The following DPP6 variants were observed in gnomAD, a reference collection of about 807,000 sequenced individuals.
DPP6 encodes the protein dipeptidyl peptidase like 6.
A neutral mutation model predicts 122.6 loss-of-function variants in DPP6; 69 were observed. The ratio of observed to expected loss-of-function variants is 0.56; its 90% CI spans 0.46 to 0.69. The LOEUF (loss-of-function observed/expected upper bound fraction) is 0.69, where lower values mean the gene tolerates loss of function less well. DPP6 is among the 30% of genes least tolerant of loss of function. The probability of loss-of-function intolerance (pLI) is 0.00; values close to 1 mark genes in which losing one functional copy is unlikely to be tolerated. For missense variants in DPP6, 928 were observed against 1,116.9 expected (o/e 0.83, Z 2.41); for synonymous variants, 418 against 433.1 (o/e 0.97, Z 0.43).
chr7:154,577,300 G>A (rs1831748064), intron 5 of DPP6, among the ~76,000 whole-genome samples: 2 of 152,128 alleles, frequency 1.3e-5, no homozygotes, highest in African/African-American at 4.8e-5. Context: ...GAGCCTGCAT[G>A]GAAGAGAGGA....
intron 1 of DPP6, among the ~76,000 whole-genome samples, chr7:154,060,998 G>C (rs867626361): frequency 2.0e-5 from 3 of 149,108 alleles, no homozygotes; most frequent in African/African-American, 7.3e-5. Flanking sequence ...TGGGTATTAG[G>C]TGTCCAAGTA....
At chr7:154,454,663 C>T (rs959414308) in intron 2 of DPP6, among the ~76,000 whole-genome samples, 6 of 152,030 alleles carry the variant, frequency 3.9e-5, no homozygotes, top group African/African-American at 1.2e-4. Flanking sequence ...GAGCCTGGAG[C>T]GCACAGGGCC....
intron 16 of DPP6, among the ~76,000 whole-genome samples, chr7:154,841,788 G>A (rs1157614052): frequency 1.3e-5 from 2 of 151,902 alleles, no homozygotes; most frequent in African/African-American, 2.4e-5. Context: ...TCCTCGGACT[G>A]CTGTATGGGA....
the DPP6 span, among the ~76,000 whole-genome samples, chr7:153,778,584 A>G: frequency 2.0e-5 from 3 of 149,416 alleles, no homozygotes; most frequent in Non-Finnish European, 4.4e-5. Context: ...CATGTCTACA[A>G]TTCCGTCAGC....
chr7:154,190,242 A>G (rs1185046807), intron 1 of DPP6, among the ~76,000 whole-genome samples: 7 of 152,212 alleles, frequency 4.6e-5, no homozygotes, highest in Non-Finnish European at 1.0e-4. Context: ...TGGCGCTGCC[A>G]GGAAACCCTG....
intron 1 of DPP6, among the ~76,000 whole-genome samples, chr7:154,185,989 C>T (rs1245507339): frequency 6.6e-6 from 1 of 152,050 alleles, no homozygotes; most frequent in Non-Finnish European, 1.5e-5. Context: ...GCAGAAGAAC[C>T]ATATGACGCA....
the DPP6 span, among the ~76,000 whole-genome samples, chr7:153,801,993 G>A: frequency 6.6e-6 from 1 of 152,158 alleles, no homozygotes; most frequent in Admixed American, 6.6e-5. Context: ...AAAATTCACA[G>A]AAGCAAACTT....
At chr7:154,310,371 G>A (rs144575176) in intron 1 of DPP6, among the ~76,000 whole-genome samples, 48 of 152,320 alleles carry the variant, frequency 3.2e-4, no homozygotes, top group African/African-American at 1.2e-3. Context: ...TTTGGGATCC[G>A]TGTCACCAAC....
chr7:154,571,840 A>G (rs1399031553), intron 5 of DPP6, among the ~76,000 whole-genome samples: 1 of 152,218 alleles, frequency 6.6e-6, no homozygotes, highest in Non-Finnish European at 1.5e-5. Context: ...ATAGCAAATT[A>G]TCCCCAAACA....
intron 1 of DPP6, among the ~76,000 whole-genome samples, chr7:154,239,702 A>G (rs868113320): frequency 2.0e-5 from 3 of 151,916 alleles, no homozygotes; most frequent in South Asian, 2.1e-4. Flanking sequence ...GCTGGGCTCA[A>G]TGGCTCATGC....
intron 1 of DPP6, among the ~76,000 whole-genome samples, chr7:154,368,383 C>T (rs1812359597): frequency 6.6e-6 from 1 of 152,152 alleles, no homozygotes; most frequent in African/African-American, 2.4e-5. Flanking sequence ...CTCAGGCATC[C>T]TATCCCAAGC....
chr7:153,781,977 TACACACACACACAC>T, the DPP6 span, among the ~76,000 whole-genome samples: 664 of 89,814 alleles, frequency 7.4e-3, 45 homozygotes, highest in Middle Eastern at 0.022. Flanking sequence ...CCCCAGAGAA[TACACACACACACAC>T]ACACACACAC....
chr7:154,844,445 A>C (rs1181995068), intron 16 of DPP6, among the ~76,000 whole-genome samples: 1 of 152,268 alleles, frequency 6.6e-6, no homozygotes, highest in Non-Finnish European at 1.5e-5. Context: ...AGTCTGGCCA[A>C]AGTAGCACAA....
intron 8 of DPP6, among the ~76,000 whole-genome samples, chr7:154,736,661 T>C (rs1395169329): frequency 6.6e-6 from 1 of 152,214 alleles, no homozygotes; most frequent in Non-Finnish European, 1.5e-5. Flanking sequence ...TCAAGATCAT[T>C]TGTAATGACA....
intron 3 of DPP6, 78 bp downstream of exon 3, chr7:154,475,115 T>C: frequency 8.9e-7 from 1 of 1,128,070 alleles, no homozygotes; most frequent in Non-Finnish European, 1.4e-6. Context: ...GGTCTAGTAA[T>C]TTGCCTCTCG....
At chr7:154,174,183 G>A (rs547556942) in intron 1 of DPP6, among the ~76,000 whole-genome samples, 13 of 152,324 alleles carry the variant, frequency 8.5e-5, no homozygotes, top group African/African-American at 2.4e-4. Context: ...GCTCCACCAC[G>A]CACTAGCTGC....
intron 1 of DPP6, among the ~76,000 whole-genome samples, chr7:154,119,218 A>G (rs938516241): frequency 6.6e-6 from 1 of 152,206 alleles, no homozygotes; most frequent in East Asian, 1.9e-4. Flanking sequence ...TGGGAGGTGA[A>G]TGAAGGAGGG....
At chr7:154,397,073 A>G (rs1815152468) in intron 1 of DPP6, among the ~76,000 whole-genome samples, 3 of 151,690 alleles carry the variant, frequency 2.0e-5, no homozygotes, top group African/African-American at 4.8e-5. Context: ...TAAATAATCT[A>G]GTAAGATAAA....
the DPP6 span, among the ~76,000 whole-genome samples, chr7:153,838,600 G>C: frequency 6.6e-6 from 1 of 152,140 alleles, no homozygotes; most frequent in South Asian, 2.1e-4. Context: ...ATCATTGAGA[G>C]GTTCCACTGA....
Sources: gnomAD v4.1 joint callset for allele counts (sites outside exome capture counted in the v4.1 genomes callset) on GRCh38, gnomAD v4.1.1 for gene constraint, MANE v1.5 for transcripts, NCBI Gene and HGNC (gene_info 2026-07-23, HGNC 2026-07-21) for gene names.